Variants in SLC12A2 observed in about 807,000 individuals in gnomAD.
The protein encoded by SLC12A2 is solute carrier family 12 member 2, also known as Na-K-2Cl cotransporter 1.
A neutral mutation model predicts 136.3 loss-of-function variants in SLC12A2; 67 were observed. The observed-to-expected ratio is 0.49, with a 90% CI of 0.40 to 0.60. SLC12A2 has a LOEUF of 0.60. Among genes scored for constraint, SLC12A2 ranks in the 20% least tolerant of loss-of-function variants. The pLI is 0.00. For synonymous variants in SLC12A2, 619 were observed against 562.9 expected, an observed-to-expected ratio of 1.10 and a Z score of -1.41; for missense variants, 1,322 against 1,534.7, an observed-to-expected ratio of 0.86 and a Z score of 2.32.
intron 1 of SLC12A2, among the ~76,000 whole-genome samples, chr5:128,098,505 C>G (rs1014057185): frequency 5.5e-5 from 8 of 145,014 alleles, no homozygotes; most frequent in African/African-American, 2.0e-4. Flanking sequence ...GTTTTTTTTT[C>G]TTGAGTGTGT....
At chr5:128,157,966 A>G in intron 15 of SLC12A2, 87 bp from the exon 16 acceptor site, 3 of 1,085,638 alleles carry the variant, frequency 2.8e-6, no homozygotes, top group Non-Finnish European at 4.1e-6. Flanking sequence ...AGTTGTATAC[A>G]GAAAGCTTCT....
intron 24 of SLC12A2, among the ~76,000 whole-genome samples, chr5:128,183,677 G>T (rs1252648231): frequency 6.6e-6 from 1 of 151,908 alleles, no homozygotes; most frequent in East Asian, 1.9e-4. Flanking sequence ...TTTAGTGTCT[G>T]CCCTTTTCCC....
In SLC12A2 at chr5:128,188,175, A is replaced by G. The variant is rs1763926034; in HGVS notation, c.*1544A>G. The G allele has an allele frequency of 6.6e-6, 1 of 152,108 alleles. No homozygotes were observed. 9.4% of individuals were successfully genotyped at this position (152,108 alleles called of 1,614,324 possible). A position where few individuals can be genotyped will look rare whatever the true frequency, so the allele number is the denominator to read the frequency against. On this transcript the variant is annotated 3_prime_UTR_variant, in exon 27 of 27. Coordinates refer to ENST00000262461, the MANE Select transcript of SLC12A2 (RefSeq NM_001046.3). ...GTGATCATTTGAAGGGCATGCTGTA[A>G]TTTCACACAATTTTCCAGTTCAAAA... is the stretch of plus-strand genomic sequence containing the variant.
At chr5:128,113,180 A>T (rs1389778829) in intron 2 of SLC12A2, among the ~76,000 whole-genome samples, 12 of 152,154 alleles carry the variant, frequency 7.9e-5, no homozygotes. Flanking sequence ...TGTGTTACTG[A>T]TGGTATTAAA....
Position 128,180,518 on chromosome 5 carries a change from A to G in SLC12A2, c.3101-365A>G, listed in dbSNP as rs73339304. 2.6e-3 allele frequency among the ~76,000 whole-genome samples: 399 copies of G among 152,262 alleles called. 1 individual carries two copies. Among genetic ancestry groups the G allele is most frequent in the African/African-American group, 9.2e-3 (384 of 41,560 alleles). The stretch of plus-strand genomic sequence containing the variant: ...TGTGTGTGTGTCTGTGGAGATATAA[A>G]TGGAGATCAAAAAGCAATTTCAGTC... On this transcript the variant is annotated intron_variant, in intron 22 of 26. Transcript: ENST00000262461.
chr5:128,179,676 A>T (rs1440711869), intron 22 of SLC12A2, among the ~76,000 whole-genome samples: 1 of 151,974 alleles, frequency 6.6e-6, no homozygotes, highest in Admixed American at 6.6e-5. Flanking sequence ...ACACACTTTT[A>T]AATCACCCGG....
chr5:128,166,243 A>T (rs1483461668), intron 17 of SLC12A2, among the ~76,000 whole-genome samples: 1 of 152,146 alleles, frequency 6.6e-6, no homozygotes, highest in Non-Finnish European at 1.5e-5. Context: ...TATAAAAGTT[A>T]AATTAGTGAC....
intron 1 of SLC12A2, among the ~76,000 whole-genome samples, chr5:128,095,813 T>C (rs1760514097): frequency 6.6e-6 from 1 of 152,184 alleles, no homozygotes; most frequent in African/African-American, 2.4e-5. Flanking sequence ...TTTGTGGTTT[T>C]TAGAGTTTTC....
chr5:128,163,629 A>G (rs1184261758), intron 17 of SLC12A2, among the ~76,000 whole-genome samples: 2 of 152,314 alleles, frequency 1.3e-5, no homozygotes, highest in East Asian at 3.9e-4. Context: ...GTACAAATGT[A>G]TGGTAGAATT....
intron 4 of SLC12A2, among the ~76,000 whole-genome samples, chr5:128,126,959 TATATA>T (rs1228329597): frequency 5.1e-5 from 2 of 38,892 alleles, no homozygotes; most frequent in African/African-American, 1.8e-4. Context: ...TATATATATA[TATATA>T]TATTTTTTTT....
At chr5:128,143,044 T>A (rs1762423333) in intron 10 of SLC12A2, among the ~76,000 whole-genome samples, 1 of 152,132 alleles carries the variant, frequency 6.6e-6, no homozygotes, top group South Asian at 2.1e-4. Context: ...TATATCAGTT[T>A]GGAGAGAATT....
chr5:128,139,501 G>T (rs1171641488), intron 9 of SLC12A2, among the ~76,000 whole-genome samples: 1 of 152,132 alleles, frequency 6.6e-6, no homozygotes, highest in Non-Finnish European at 1.5e-5. Flanking sequence ...AACTTGAAAG[G>T]ACTTAAGTGG....
Position 128,149,867 on chromosome 5 carries a change from TA to T in SLC12A2, c.2006-127del, listed in dbSNP as rs1339139951. 3 of 701,812 alleles carry T rather than the reference TA, an allele frequency of 4.3e-6. No individual in the cohort carries two copies. The African/African-American group carries it at 5.4e-5, about 13-fold the overall frequency. The allele number at this position is 701,812 out of a possible 1,614,324, so 43.5% of individuals were successfully genotyped here. Reference sequence around the variant, plus strand: ...TATATGAGGCATATATGGCAAACTCTAAATGTTTATGAAAGCTGGATGGTGG... The same window carrying T: ...TATATGAGGCATATATGGCAAACTCTAATGTTTATGAAAGCTGGATGGTGG... On this transcript the variant is annotated intron_variant, in intron 12 of 26. Transcript: ENST00000262461.
intron 10 of SLC12A2, among the ~76,000 whole-genome samples, chr5:128,146,165 C>T (rs138702845): frequency 6.6e-6 from 1 of 151,928 alleles, no homozygotes; most frequent in African/African-American, 2.4e-5. Flanking sequence ...AAGTTATAGA[C>T]ATCATGACAC....
At chr5:128,152,283 A>G (rs1762729966) in intron 14 of SLC12A2, among the ~76,000 whole-genome samples, 1 of 152,216 alleles carries the variant, frequency 6.6e-6, no homozygotes, top group Admixed American at 6.5e-5. Flanking sequence ...TTGAAGTCCA[A>G]GTTGTTTATT....
intron 2 of SLC12A2, among the ~76,000 whole-genome samples, chr5:128,113,504 T>C (rs1761232090): frequency 6.6e-6 from 1 of 152,184 alleles, no homozygotes; most frequent in Admixed American, 6.5e-5. Context: ...ATAGGCTACA[T>C]TGCCTTCTCA....
chr5:128,172,196 T>A (rs1167744240), intron 19 of SLC12A2, among the ~76,000 whole-genome samples: 2 of 152,218 alleles, frequency 1.3e-5, no homozygotes, highest in East Asian at 3.8e-4. Flanking sequence ...ATAAATTTTT[T>A]AAAAACATTT....
At chr5:128,110,474 T>C (rs1761103230) in intron 1 of SLC12A2, 13 of 1,373,998 alleles carry the variant, frequency 9.5e-6, no homozygotes, top group African/African-American at 1.4e-5. Flanking sequence ...CCTGAACTCA[T>C]AGACGCTGCT....
chr5:128,180,630 T>C (rs1322241414), intron 22 of SLC12A2, among the ~76,000 whole-genome samples: 3 of 152,208 alleles, frequency 2.0e-5, no homozygotes, highest in African/African-American at 7.2e-5. Context: ...CTCAATCCTG[T>C]TGTATGTGAC....
Sources: gnomAD v4.1 joint callset for allele counts (sites outside exome capture counted in the v4.1 genomes callset) on GRCh38, gnomAD v4.1.1 for gene constraint, MANE v1.5 for transcripts, NCBI Gene and HGNC (gene_info 2026-07-23, HGNC 2026-07-21) for gene names.